The following CAB39L variants were observed in gnomAD, a reference collection of about 807,000 sequenced individuals.
CAB39L encodes the protein calcium binding protein 39 like, also known as calcium-binding protein 39-like.
CAB39L carries 23 observed loss-of-function variants against 39.1 expected under a neutral mutation model. The ratio of observed to expected loss-of-function variants is 0.59; its 90% confidence interval spans 0.42 to 0.83. CAB39L has a LOEUF of 0.83. Among genes scored for constraint, CAB39L ranks in the 40% least tolerant of loss-of-function variants. The probability of loss-of-function intolerance (pLI) is 0.00; values close to 1 mark genes in which losing one functional copy is unlikely to be tolerated. For synonymous variants in CAB39L, 126 were observed against 137.2 expected, an observed-to-expected ratio of 0.92 and a Z score of 0.57; for missense variants, 366 against 391.9, an observed-to-expected ratio of 0.93 and a Z score of 0.56.
chr13:49,383,132 G>A (rs996456677), intron 3 of CAB39L, among the ~76,000 whole-genome samples, 191 bp from the exon 4 acceptor site: 2 of 151,936 alleles, frequency 1.3e-5, no homozygotes, highest in Non-Finnish European at 2.9e-5. Context: ...TATTTTTAAA[G>A]TTTTGCTTGA....
At chr13:49,340,089 G>A (rs1954961208) in intron 8 of CAB39L, among the ~76,000 whole-genome samples, 1 of 152,136 alleles carries the variant, frequency 6.6e-6, no homozygotes, top group Non-Finnish European at 1.5e-5. Context: ...TCCACAATTT[G>A]GGAAAATATT....
At chr13:49,412,017 C>A (rs895791610) in intron 3 of CAB39L, among the ~76,000 whole-genome samples, 24 of 152,090 alleles carry the variant, frequency 1.6e-4, no homozygotes, top group Non-Finnish European at 1.9e-4. Flanking sequence ...ATGTAAACTC[C>A]CCCCAAAACC....
In CAB39L at chr13:49,342,919, A is replaced by G. The variant is rs527772034; in HGVS notation, c.624+1260T>C. Among the ~76,000 whole-genome samples the G allele has an allele frequency of 4.5e-4, 68 of 152,344 alleles. 2 individuals carry two copies. The South Asian group carries it at 6.6e-3, about 15-fold the overall frequency. ...TTCCATATTGATTGTACATTAAAAT[A>G]ACATTTTTCGTATGTTGGGTTAAAT... On this transcript the variant is annotated intron_variant, in intron 8 of 10. Transcript: ENST00000409308.
chr13:49,394,736 T>C (rs1189031886), intron 3 of CAB39L, among the ~76,000 whole-genome samples: 2 of 152,162 alleles, frequency 1.3e-5, no homozygotes, highest in Non-Finnish European at 1.5e-5. Flanking sequence ...CATTTTAACA[T>C]TTTCAAAGCT....
At chr13:49,321,824 G>C (rs1954351318) in intron 10 of CAB39L, among the ~76,000 whole-genome samples, 1 of 152,146 alleles carries the variant, frequency 6.6e-6, no homozygotes, top group South Asian at 2.1e-4. Flanking sequence ...GTTGCCTTTA[G>C]ACAGCTAAAT....
chr13:49,370,648 G>T (rs1198487019), intron 5 of CAB39L, among the ~76,000 whole-genome samples: 4 of 152,140 alleles, frequency 2.6e-5, no homozygotes, highest in Non-Finnish European at 5.9e-5. Flanking sequence ...AAAGCAGAGG[G>T]AGTGGGCAGA....
At chr13:49,440,510 T>C (rs979010795) in intron 1 of CAB39L, among the ~76,000 whole-genome samples, 1 of 151,954 alleles carries the variant, frequency 6.6e-6, no homozygotes, top group Admixed American at 6.6e-5. Flanking sequence ...AGCCTCAAAG[T>C]ATAATTTGAA....
At chr13:49,317,492 C>A (rs1954192783) in intron 10 of CAB39L, among the ~76,000 whole-genome samples, 1 of 152,022 alleles carries the variant, frequency 6.6e-6, no homozygotes, top group Non-Finnish European at 1.5e-5. Context: ...ATGGTGCCAC[C>A]ACACTCCCAC....
At chr13:49,330,552 G>A (rs1954662306) in intron 10 of CAB39L, among the ~76,000 whole-genome samples, 1 of 151,936 alleles carries the variant, frequency 6.6e-6, no homozygotes, top group Non-Finnish European at 1.5e-5. Flanking sequence ...TTGAGCCTAG[G>A]AATTTGAGGC....
intron 9 of CAB39L, among the ~76,000 whole-genome samples, 175 bp downstream of exon 9, chr13:49,339,502 T>TA (rs1252686155): frequency 2.0e-5 from 3 of 152,154 alleles, no homozygotes; most frequent in African/African-American, 4.8e-5. Context: ...ACAGGACACT[T>TA]ACATTATTTT....
intron 3 of CAB39L, among the ~76,000 whole-genome samples, chr13:49,399,210 A>T (rs1956712103): frequency 6.6e-6 from 1 of 152,100 alleles, no homozygotes; most frequent in Admixed American, 6.6e-5. Flanking sequence ...ACTGGGCTAG[A>T]CCCTTAGGAA....
intron 3 of CAB39L, among the ~76,000 whole-genome samples, chr13:49,394,841 C>T (rs375811428): frequency 4.6e-5 from 7 of 151,788 alleles, no homozygotes; most frequent in Non-Finnish European, 1.0e-4. Context: ...TTAAAACCAG[C>T]GACTTATTAA....
intron 7 of CAB39L, among the ~76,000 whole-genome samples, chr13:49,347,615 G>C (rs1308427690): frequency 6.6e-6 from 1 of 152,130 alleles, no homozygotes; most frequent in Non-Finnish European, 1.5e-5. Flanking sequence ...TTGGTAGAAA[G>C]AAATGGAATC....
At chr13:49,312,052 C>A (rs1275155257) in intron 10 of CAB39L, among the ~76,000 whole-genome samples, 2 of 152,136 alleles carry the variant, frequency 1.3e-5, no homozygotes, top group African/African-American at 2.4e-5. Context: ...TGCCACTGCA[C>A]CTGGCTAATT....
intron 5 of CAB39L, among the ~76,000 whole-genome samples, chr13:49,372,953 A>G (rs758216888): frequency 6.6e-6 from 1 of 152,222 alleles, no homozygotes; most frequent in Non-Finnish European, 1.5e-5. Context: ...GATTACAGGC[A>G]TGAGCCACTG....
At chr13:49,345,503 CA>C (rs1314226866) in intron 7 of CAB39L, among the ~76,000 whole-genome samples, 1 of 152,124 alleles carries the variant, frequency 6.6e-6, no homozygotes, top group African/African-American at 2.4e-5. Flanking sequence ...AAACCATTTA[CA>C]GGGGTTCCGT....
intron 5 of CAB39L, among the ~76,000 whole-genome samples, chr13:49,365,971 CAT>C (rs1955760381): frequency 6.6e-6 from 1 of 152,130 alleles, no homozygotes; most frequent in Non-Finnish European, 1.5e-5. Context: ...ACTATTCAGT[CAT>C]AAAAAGGAAT....
At chr13:49,433,234 A>G in intron 3 of CAB39L, 84 bp downstream of exon 3, 1 of 326,438 alleles carries the variant, frequency 3.1e-6, no homozygotes, top group Non-Finnish European at 6.0e-6. Flanking sequence ...TATTCCTGAT[A>G]CATTTTATTT....
At chr13:49,388,301 AC>A (rs1258816282) in intron 3 of CAB39L, among the ~76,000 whole-genome samples, 2 of 152,208 alleles carry the variant, frequency 1.3e-5, no homozygotes, top group Admixed American at 1.3e-4. Flanking sequence ...AACAATCTAA[AC>A]TTGATCATTC....
Sources: allele counts gnomAD v4.1 joint callset (sites outside exome capture counted in the v4.1 genomes callset), GRCh38; gene constraint gnomAD v4.1.1; transcripts MANE v1.5; gene names NCBI Gene and HGNC (gene_info 2026-07-23, HGNC 2026-07-21).